The following CYP4F12 variants were observed in gnomAD, a reference collection of about 807,000 sequenced individuals.
CYP4F12 encodes cytochrome P450 family 4 subfamily F member 12, also known as cytochrome P450 4F12.
Under a neutral mutation model 56.5 loss-of-function variants are expected in CYP4F12, and 60 were observed. The ratio of observed to expected loss-of-function variants is 1.06; its 90% CI spans 0.86 to 1.32. The LOEUF is 1.32. Ranked by LOEUF, CYP4F12 falls within the 40% of genes most tolerant of loss-of-function variation. The pLI, the probability that CYP4F12 is intolerant of heterozygous loss-of-function variation, is 0.00. For missense variants in CYP4F12, 711 were observed against 683.5 expected (o/e 1.04, Z -0.45); for synonymous variants, 263 against 264.9 (o/e 0.99, Z 0.07).
chr19:15,684,421 C>T (rs2007488065), intron 7 of CYP4F12: 1 of 179,570 alleles, frequency 5.6e-6, no homozygotes, highest in African/African-American at 2.4e-5. Context: ...TCTGGGTTTA[C>T]CACTCTAGAA....
At chr19:15,684,759 TGTGTGTG>T in intron 7 of CYP4F12, 50 bp from the exon 8 acceptor site, 2 of 268,666 alleles carry the variant, frequency 7.4e-6, no homozygotes, top group Admixed American at 5.2e-5. Context: ...GTATAATTTG[TGTGTGTG>T]TGTGTGTGTG....
At position 15,697,104 on chromosome 19, in the gene CYP4F12, T is replaced by A; in HGVS notation, c.*19T>A. On this transcript the variant is annotated 3_prime_UTR_variant, in exon 13 of 13. Transcript: ENST00000550308. ...GCAGTGACTTTCTGACCCATCCACC[T>A]GTTTTTTTGCAGATTGTCATGAATA... The A allele has an allele frequency of 1.2e-6, 2 of 1,601,534 alleles. No individual in the cohort carries two copies. Among genetic ancestry groups the A allele is most frequent in the South Asian group, 1.1e-5 (1 of 90,534 alleles).
rs1393449711 is a variant in CYP4F12, at chr19:15,673,607, G to A, written c.78G>A (p.Val26=). Reference sequence around the variant, plus strand: ...CATGGCTACTCCTGCTGCTGGTTGTGGGCTCCTGGCTACTCGCCCGCATCC... The same window carrying A: ...CATGGCTACTCCTGCTGCTGGTTGTAGGCTCCTGGCTACTCGCCCGCATCC... ...TSPWLLLLLV[V]GSWLLARILA... Residue 26 remains valine (V), a synonymous_variant, in exon 2 of 13, where the codon GTG becomes GTA. Transcript: ENST00000550308. The A allele has an allele frequency of 6.2e-7, 1 of 1,614,032 alleles. No individual in the cohort carries two copies. The highest frequency in any genetic ancestry group is 1.7e-5 in the Admixed American group (1 of 60,022).
At chr19:15,680,038 C>T (rs559282143) in intron 3 of CYP4F12, among the ~76,000 whole-genome samples, 1 of 152,262 alleles carries the variant, frequency 6.6e-6, no homozygotes, top group African/African-American at 2.4e-5. Context: ...TGTGCTATGA[C>T]CTGTTAGGTT....
At chr19:15,696,371 C>A (rs1363467834) in intron 11 of CYP4F12, 59 bp from the exon 12 acceptor site, 1 of 1,612,698 alleles carries the variant, frequency 6.2e-7, no homozygotes, top group Non-Finnish European at 8.5e-7. Flanking sequence ...ACAAGTGTCT[C>A]TCCAAGGCTG....
intron 9 of CYP4F12, among the ~76,000 whole-genome samples, chr19:15,695,371 A>C (rs2008072986): frequency 7.5e-6 from 1 of 134,220 alleles, no homozygotes; most frequent in Non-Finnish European, 1.6e-5. Flanking sequence ...GGGGAGGGGG[A>C]AGGGATAGCA....
intron 9 of CYP4F12, among the ~76,000 whole-genome samples, chr19:15,687,877 G>A (rs552555864): frequency 6.6e-6 from 1 of 152,176 alleles, no homozygotes; most frequent in South Asian, 2.1e-4. Context: ...GGGGACCTTG[G>A]GGAAGTCAGA....
intron 1 of CYP4F12, 163 bp from the exon 2 acceptor site, chr19:15,673,366 T>G: frequency 2.7e-6 from 2 of 743,448 alleles, no homozygotes; most frequent in Non-Finnish European, 2.2e-6. Context: ...TAGTTGTTGG[T>G]TTTGGTTGGG....
At chr19:15,687,263 T>A (rs113184592) in intron 9 of CYP4F12, among the ~76,000 whole-genome samples, 1 of 139,678 alleles carries the variant, frequency 7.2e-6, no homozygotes, top group African/African-American at 2.6e-5. Flanking sequence ...GGCAACAGAG[T>A]GAGACTCTTT....
rs1599934820 is a variant in CYP4F12, at chr19:15,673,610, C to T, written c.81C>T (p.Gly27=). ...GGCTACTCCTGCTGCTGGTTGTGGG[C>T]TCCTGGCTACTCGCCCGCATCCTGG... ...SPWLLLLLVV[G]SWLLARILAW... is the part of the protein sequence containing the mutation. The change falls in exon 2 of 13, where the codon GGC becomes GGT. Residue 27 remains glycine (G), a synonymous_variant. Coordinates refer to ENST00000550308, the MANE Select transcript of CYP4F12 (RefSeq NM_023944.4). 7.4e-6 allele frequency: 12 copies of T among 1,614,118 alleles called. No individual in the cohort carries two copies. The highest frequency in any genetic ancestry group is 1.0e-5 in the Non-Finnish European group (12 of 1,179,978).
Position 15,673,410 on chromosome 19 carries a change from C to A in CYP4F12, c.-1-119C>A, listed in dbSNP as rs1339713714. Reference sequence around the variant, plus strand: ...GACTTCAGATCTCAGCCCTCGTTTACTCACCCCTGAGCCCTCCCTGCCCTG... The same window carrying A: ...GACTTCAGATCTCAGCCCTCGTTTAATCACCCCTGAGCCCTCCCTGCCCTG... On this transcript the variant is annotated intron_variant, in intron 1 of 12. Transcript: ENST00000550308. 3 of 1,151,160 alleles carry A rather than the reference C, an allele frequency of 2.6e-6. No individual in the cohort carries two copies. In the East Asian group the frequency reaches 7.4e-5, roughly 28 times the overall value. 71.3% of individuals were successfully genotyped at this position (1,151,160 alleles called of 1,614,324 possible). A position where few individuals can be genotyped will look rare whatever the true frequency, so the allele number is the denominator to read the frequency against.
chr19:15,676,009 G>T (rs1274606623), intron 2 of CYP4F12, among the ~76,000 whole-genome samples: 1 of 152,164 alleles, frequency 6.6e-6, no homozygotes, highest in African/African-American at 2.4e-5. Flanking sequence ...CAGGGACACT[G>T]GTGGTGTAAA....
chr19:15,677,100 C>T (rs1421370482), intron 2 of CYP4F12, among the ~76,000 whole-genome samples: 1 of 130,930 alleles, frequency 7.6e-6, no homozygotes, highest in Non-Finnish European at 1.7e-5. Flanking sequence ...TCCTCACTCA[C>T]TCATTCCTCT....
Position 15,673,726 on chromosome 19 carries a change from T to G in CYP4F12, c.197T>G (p.Leu66Arg), listed in dbSNP as rs767803770. 6.2e-7 allele frequency: 1 copy of G among 1,613,928 alleles called. No homozygotes were observed. Among genetic ancestry groups the G allele is most frequent in the Non-Finnish European group, 8.5e-7 (1 of 1,179,908 alleles). ...AACTGGTTTTGGGGTCACCTGGGCC[T>G]GGTGAGTGTGACAGCAAAATGTGTC... ...KRNWFWGHLGLITPTEEGLKN... is the reference protein window; with the variant it reads ...KRNWFWGHLGRITPTEEGLKN... The change falls in exon 2 of 13, where the codon CTG becomes CGG. Residue 66 changes from leucine to arginine, a missense_variant and splice_region_variant. Transcript: ENST00000550308.
rs917528124 is a variant in CYP4F12, at chr19:15,687,202, G to A, written c.1115+2005G>A. ...TGAGGCAGGAGAATGGCGTGAACCC[G>A]GGTGGCGGAGCTTGCAGTGAGCTGA... On this transcript the variant is annotated intron_variant, in intron 9 of 12. Coordinates refer to ENST00000550308, the MANE Select transcript of CYP4F12 (RefSeq NM_023944.4). Among the ~76,000 whole-genome samples the A allele has an allele frequency of 3.3e-5, 5 of 151,714 alleles. No individual in the cohort carries two copies. The East Asian group carries it at 5.8e-4, about 18-fold the overall frequency.
At chr19:15,687,073 C>T (rs4807972) in intron 9 of CYP4F12, among the ~76,000 whole-genome samples, 71,316 of 151,748 alleles carry the variant, frequency 0.47, 17,165 homozygotes, top group African/African-American at 0.53. Context: ...GTCAGGAGAT[C>T]GAGACCATCC....
rs776623851 is a variant in CYP4F12 at position 15,695,909 on chromosome 19, A to G, written c.1116-27A>G. On this transcript the variant is annotated intron_variant, in intron 9 of 12. Transcript: ENST00000550308. The stretch of plus-strand genomic sequence containing the variant: ...GAGTTGTGTATTTGTTCCCTTGATA[A>G]TGACTGGGGCTGGGGTGTTTCCTTA... 7 of 1,592,800 alleles carry G rather than the reference A, an allele frequency of 4.4e-6. No homozygotes were observed. The Admixed American group carries it at 1.3e-4, about 31-fold the overall frequency.
At chr19:15,680,940 G>A (rs915315479) in intron 5 of CYP4F12, 2 of 307,224 alleles carry the variant, frequency 6.5e-6, no homozygotes, top group East Asian at 9.4e-5. Flanking sequence ...GGGTCGGGGG[G>A]CAGCTTTGCT....
Position 15,678,275 on chromosome 19 carries a change from G to A in CYP4F12, c.213G>A (p.Glu71=). The A allele has an allele frequency of 1.2e-6, 2 of 1,614,188 alleles. No individual in the cohort carries two copies. Among genetic ancestry groups the A allele is most frequent in the Non-Finnish European group, 1.7e-6 (2 of 1,180,024 alleles). Residue 71 remains glutamate, a synonymous_variant, in exon 3 of 13, where the codon GAG becomes GAA. Coordinates refer to ENST00000550308, the MANE Select transcript of CYP4F12 (RefSeq NM_023944.4). The part of the protein sequence containing the change: ...WGHLGLITPT[E]EGLKNSTQMS... Reference sequence around the variant, plus strand: ...CTTGCTTTCAGATCACTCCTACAGAGGAGGGCTTGAAGAACTCGACCCAGA... The same window carrying A: ...CTTGCTTTCAGATCACTCCTACAGAAGAGGGCTTGAAGAACTCGACCCAGA...
Sources: gnomAD v4.1 joint callset for allele counts (sites outside exome capture counted in the v4.1 genomes callset) on GRCh38, gnomAD v4.1.1 for gene constraint, MANE v1.5 for transcripts, NCBI Gene and HGNC (gene_info 2026-07-23, HGNC 2026-07-21) for gene names.